Variants in F13A1 observed in about 807,000 individuals in gnomAD.
The protein encoded by F13A1 is coagulation factor XIII A chain.
In F13A1, 47 loss-of-function variants were observed where a neutral mutation model predicts 80.1. That is an observed-to-expected ratio of 0.59 (90% CI 0.46 to 0.75). The LOEUF (loss-of-function observed/expected upper bound fraction) is 0.75, where lower values mean the gene tolerates loss of function less well. F13A1 is among the 30% of genes least tolerant of loss of function. The probability of loss-of-function intolerance (pLI) is 0.00; values close to 1 mark genes in which losing one functional copy is unlikely to be tolerated. For missense variants in F13A1, 817 were observed against 930.4 expected (o/e 0.88, Z 1.59); for synonymous variants, 349 against 344.9 (o/e 1.01, Z -0.13).
In F13A1 at chr6:6,250,653, A is replaced by G. The variant is rs1757617636; in HGVS notation, c.690+158T>C. ...GATAAATTACGCAGTTGTCTTTATG[A>G]GTCCCTACTCCTATGCTCTCTGCCT... On this transcript the variant is annotated intron_variant, in intron 5 of 14. Transcript: ENST00000264870. The surrounding 1 kb of genome is among the most constrained non-coding windows in gnomAD (Gnocchi z 4.2). 6.6e-6 allele frequency among the ~76,000 whole-genome samples: 1 copy of G among 152,188 alleles called. No individual in the cohort carries two copies. Among genetic ancestry groups the G allele is most frequent in the Admixed American group, 6.5e-5 (1 of 15,282 alleles).
intron 6 of F13A1, among the ~76,000 whole-genome samples, chr6:6,236,669 C>CTA (rs2113081571): frequency 6.6e-6 from 1 of 152,098 alleles, no homozygotes; most frequent in African/African-American, 2.4e-5. Context: ...TGTTATAAAC[C>CTA]TATCATATTC....
chr6:6,161,788 T>C (rs1204273838), intron 13 of F13A1, among the ~76,000 whole-genome samples: 2 of 152,160 alleles, frequency 1.3e-5, no homozygotes, highest in East Asian at 1.9e-4. Context: ...GGGAGCACTA[T>C]TGAGCCCAGG....
intron 2 of F13A1, among the ~76,000 whole-genome samples, chr6:6,316,077 G>GTGTATATATA (rs1758675745): frequency 4.0e-5 from 2 of 49,656 alleles, no homozygotes; most frequent in Non-Finnish European, 4.0e-5. Context: ...ATGTGTGTGT[G>GTGTATATATA]CATATATATA....
rs1397126047 is a variant in F13A1 at position 6,318,641 on chromosome 6, G to A, written c.24C>T (p.Ala8=). 6.2e-7 allele frequency: 1 copy of A among 1,613,502 alleles called. No homozygotes were observed. Reference sequence around the variant, plus strand: ...GTGGAACTGCTCTTCTGCCTCCAAAGGCGGTCCTGGAAGTTTCTGACATTT... The same window carrying A: ...GTGGAACTGCTCTTCTGCCTCCAAAAGCGGTCCTGGAAGTTTCTGACATTT... MSETSRT[A]FGGRRAVPPN... Residue 8 remains alanine, a synonymous_variant, in exon 2 of 15, where the codon GCC becomes GCT. Coordinates refer to ENST00000264870, the MANE Select transcript of F13A1 (RefSeq NM_000129.4).
intron 13 of F13A1, among the ~76,000 whole-genome samples, chr6:6,153,519 C>T (rs182384560): frequency 5.5e-4 from 83 of 152,264 alleles, no homozygotes; most frequent in Non-Finnish European, 5.7e-4. Context: ...ATAAGAAAAA[C>T]GAAACTTTCA....
In F13A1 at chr6:6,174,728, G is replaced by A. The variant is rs1760848500; in HGVS notation, c.1599C>T (p.Asp533=). The A allele has an allele frequency of 6.2e-7, 1 of 1,614,210 alleles. No individual in the cohort carries two copies. The highest frequency in any genetic ancestry group is 2.2e-5 in the East Asian group (1 of 44,874). The stretch of plus-strand genomic sequence containing the variant: ...TCCGGAAGGTGATGGAGAGCTTGAA[G>A]TCTTTTCCCAGCACAGCATTTTCCA... The part of the protein sequence containing the change: ...FEVENAVLGK[D]FKLSITFRNN... The change falls in exon 12 of 15, where the codon GAC becomes GAT. Residue 533 remains aspartate, a synonymous_variant. Coordinates refer to ENST00000264870, the MANE Select transcript of F13A1 (RefSeq NM_000129.4).
intron 12 of F13A1, among the ~76,000 whole-genome samples, chr6:6,171,562 T>C (rs1262868833): frequency 1.3e-5 from 2 of 152,026 alleles, no homozygotes; most frequent in South Asian, 4.1e-4. Context: ...TTCAGTGGAG[T>C]GATTGCAGAA....
At chr6:6,283,599 A>T (rs1001475364) in intron 3 of F13A1, among the ~76,000 whole-genome samples, 4 of 152,116 alleles carry the variant, frequency 2.6e-5, no homozygotes, top group African/African-American at 9.7e-5. Context: ...TTCGAAATTT[A>T]AAAAAAACTT....
intron 11 of F13A1, among the ~76,000 whole-genome samples, chr6:6,178,870 A>C (rs554622932): frequency 1.8e-4 from 27 of 152,338 alleles, no homozygotes; most frequent in African/African-American, 5.8e-4. Flanking sequence ...AGTAAGCTGA[A>C]GTCTGCAAAA....
At chr6:6,182,187 G>A in intron 10 of F13A1, 46 bp from the exon 11 acceptor site, 1 of 1,608,564 alleles carries the variant, frequency 6.2e-7, no homozygotes, top group East Asian at 2.2e-5. Context: ...CATGTCTGCT[G>A]TTGCCAAAGT....
intron 3 of F13A1, among the ~76,000 whole-genome samples, chr6:6,298,846 A>G (rs971460628): frequency 1.3e-5 from 2 of 149,102 alleles, no homozygotes; most frequent in Admixed American, 6.6e-5. Context: ...CCTAGTCTTG[A>G]TGGTCTTTAC....
At chr6:6,279,856 G>A (rs1271685901) in intron 3 of F13A1, among the ~76,000 whole-genome samples, 1 of 152,198 alleles carries the variant, frequency 6.6e-6, no homozygotes, top group Non-Finnish European at 1.5e-5. Context: ...TTAGCTGAAT[G>A]TCTTCCAAAC....
Position 6,243,606 on chromosome 6 carries a change from G to C in F13A1, c.798+4706C>G, listed in dbSNP as rs1200723050. ...ATTGTGTTATTGGCAATAACGTGTT[G>C]ATAGTGGCCCTCTAAGGTAATATGA... On this transcript the variant is annotated intron_variant, in intron 6 of 14. Transcript: ENST00000264870. The surrounding 1 kb of genome is among the most constrained non-coding windows in gnomAD (Gnocchi z 4.2). 1.3e-5 allele frequency among the ~76,000 whole-genome samples: 2 copies of C among 152,152 alleles called. No individual in the cohort carries two copies. Among genetic ancestry groups the C allele is most frequent in the Non-Finnish European group, 2.9e-5 (2 of 68,032 alleles).
intron 13 of F13A1, among the ~76,000 whole-genome samples, chr6:6,163,207 G>T (rs984315063): frequency 2.0e-5 from 3 of 152,212 alleles, no homozygotes; most frequent in African/African-American, 7.2e-5. Flanking sequence ...CAGGCTCAAA[G>T]AGGTTGAAAA....
chr6:6,292,206 A>G (rs1330649918), intron 3 of F13A1, among the ~76,000 whole-genome samples: 2 of 152,214 alleles, frequency 1.3e-5, no homozygotes, highest in Non-Finnish European at 2.9e-5. Flanking sequence ...AACAGTGCCA[A>G]TGAGTTATCA....
At chr6:6,245,725 G>T (rs1192527779) in intron 6 of F13A1, among the ~76,000 whole-genome samples, 1 of 152,152 alleles carries the variant, frequency 6.6e-6, no homozygotes, top group Non-Finnish European at 1.5e-5. Context: ...ACTCTCTCCA[G>T]ATACCCAGCA....
In F13A1 at chr6:6,266,583, G is replaced by A; in HGVS notation, c.546C>T (p.Tyr182=). ...RTSRNPETDT[Y]ILFNPWCEDD... ...CTTCACACCAAGGATTGAAGAGAAT[G>A]TACGTGTCTGTTTCTGGGTTTCGAC... Residue 182 remains tyrosine, a synonymous_variant, in exon 4 of 15, where the codon TAC becomes TAT. Coordinates refer to ENST00000264870, the MANE Select transcript of F13A1 (RefSeq NM_000129.4). 1 of 1,614,202 alleles carries A rather than the reference G, an allele frequency of 6.2e-7. No homozygotes were observed. Among genetic ancestry groups the A allele is most frequent in the South Asian group, 1.1e-5 (1 of 91,084 alleles).
chr6:6,272,422 G>A (rs1757933700), intron 3 of F13A1, among the ~76,000 whole-genome samples: 1 of 152,134 alleles, frequency 6.6e-6, no homozygotes, highest in African/African-American at 2.4e-5. Flanking sequence ...ATCAGTGACT[G>A]AGTAGACACA....
At chr6:6,248,882 C>G (rs750996353) in intron 5 of F13A1, among the ~76,000 whole-genome samples, 1 of 152,208 alleles carries the variant, frequency 6.6e-6, no homozygotes, top group South Asian at 2.1e-4. Flanking sequence ...CTTCACACTA[C>G]TTAGTTTGCA....
Sources: gnomAD v4.1 joint callset for allele counts (sites outside exome capture counted in the v4.1 genomes callset) on GRCh38, gnomAD v4.1.1 for gene constraint, Gnocchi (gnomAD v3.1) non-coding constraint, MANE v1.5 for transcripts, NCBI Gene and HGNC (gene_info 2026-07-23, HGNC 2026-07-21) for gene names.